Variants in TTLL5 observed in about 807,000 individuals in gnomAD.
The protein encoded by TTLL5 is tubulin tyrosine ligase like 5, also known as tubulin polyglutamylase TTLL5.
Under a neutral mutation model 168.4 loss-of-function variants are expected in TTLL5, and 132 were observed. That is an observed-to-expected ratio of 0.78 (90% CI 0.68 to 0.91). The LOEUF (loss-of-function observed/expected upper bound fraction) is 0.91, where lower values mean the gene tolerates loss of function less well. Among genes scored for constraint, TTLL5 ranks in the 40% least tolerant of loss-of-function variants. The pLI is 0.00. For synonymous variants in TTLL5, 546 were observed against 558.6 expected, an observed-to-expected ratio of 0.98 and a Z score of 0.32; for missense variants, 1,545 against 1,581.5, an observed-to-expected ratio of 0.98 and a Z score of 0.39.
intron 31 of TTLL5, among the ~76,000 whole-genome samples, chr14:75,945,887 A>G (rs1180806862): frequency 6.6e-6 from 1 of 152,220 alleles, no homozygotes; most frequent in Non-Finnish European, 1.5e-5. Context: ...TTCCAGTCTG[A>G]TTGACAGCTA....
chr14:75,788,122 AAAAT>A (rs1041989710), intron 26 of TTLL5, among the ~76,000 whole-genome samples: 25 of 152,236 alleles, frequency 1.6e-4, no homozygotes, highest in Admixed American at 4.6e-4. Flanking sequence ...CCCATCTCTA[AAAAT>A]AAATAAATAA....
intron 15 of TTLL5, among the ~76,000 whole-genome samples, chr14:75,739,186 G>A (rs1006869641): frequency 2.6e-5 from 4 of 152,066 alleles, no homozygotes; most frequent in East Asian, 1.9e-4. Flanking sequence ...TTGAATTACC[G>A]TAGGTTGTAA....
At chr14:75,846,312 G>T (rs939957975) in intron 28 of TTLL5, among the ~76,000 whole-genome samples, 1 of 152,164 alleles carries the variant, frequency 6.6e-6, no homozygotes, top group Non-Finnish European at 1.5e-5. Context: ...GACTCTAGGG[G>T]ATAGAAATTG....
At chr14:75,925,793 A>C (rs2034032144) in intron 31 of TTLL5, among the ~76,000 whole-genome samples, 1 of 152,044 alleles carries the variant, frequency 6.6e-6, no homozygotes, top group Admixed American at 6.5e-5. Flanking sequence ...CTCCGTCTGC[A>C]ATCCCGGCAC....
chr14:75,872,551 A>T (rs1366909910), intron 29 of TTLL5, among the ~76,000 whole-genome samples: 1 of 152,162 alleles, frequency 6.6e-6, no homozygotes, highest in Non-Finnish European at 1.5e-5. Flanking sequence ...GACACAGGTC[A>T]TATGGTTGGG....
chr14:75,730,444 T>A (rs535855609), intron 12 of TTLL5, among the ~76,000 whole-genome samples: 2 of 152,206 alleles, frequency 1.3e-5, no homozygotes, highest in Non-Finnish European at 2.9e-5. Flanking sequence ...TTGAAGGTGA[T>A]CCCATCTCAA....
intron 27 of TTLL5, among the ~76,000 whole-genome samples, chr14:75,813,525 A>G (rs1162928247): frequency 5.3e-5 from 8 of 151,694 alleles, no homozygotes; most frequent in African/African-American, 1.9e-4. Flanking sequence ...CTGGTCTCGA[A>G]CTCCTGGGCT....
At chr14:75,715,069 T>C (rs1887336981) in intron 9 of TTLL5, among the ~76,000 whole-genome samples, 1 of 152,144 alleles carries the variant, frequency 6.6e-6, no homozygotes. Flanking sequence ...CAGCAGGAAA[T>C]CTGGCTCGCA....
chr14:75,847,394 T>C (rs1371307513), intron 28 of TTLL5, among the ~76,000 whole-genome samples: 3 of 152,018 alleles, frequency 2.0e-5, no homozygotes, highest in Non-Finnish European at 4.4e-5. Flanking sequence ...ATGGACTTTC[T>C]CTTGGTTTGT....
intron 31 of TTLL5, among the ~76,000 whole-genome samples, chr14:75,936,875 T>C (rs1354337905): frequency 6.6e-6 from 1 of 152,166 alleles, no homozygotes; most frequent in Non-Finnish European, 1.5e-5. Flanking sequence ...CCTAAGCAGA[T>C]GGGAAGTGTC....
At chr14:75,754,703 T>A (rs1454640057) in intron 18 of TTLL5, among the ~76,000 whole-genome samples, 1 of 152,218 alleles carries the variant, frequency 6.6e-6, no homozygotes, top group Non-Finnish European at 1.5e-5. Context: ...TACCGTAATT[T>A]CAAACAGTGA....
At chr14:75,797,355 A>C (rs1292985514) in intron 27 of TTLL5, among the ~76,000 whole-genome samples, 2 of 151,998 alleles carry the variant, frequency 1.3e-5, no homozygotes, top group African/African-American at 4.8e-5. Context: ...GTATATGATC[A>C]TATTGGCAAA....
chr14:75,853,383 C>G (rs922403208), intron 28 of TTLL5, among the ~76,000 whole-genome samples: 2 of 152,212 alleles, frequency 1.3e-5, no homozygotes, highest in African/African-American at 4.8e-5. Context: ...CTATTCCTGA[C>G]ATTTTTTCAC....
At chr14:75,882,575 C>T (rs2031876279) in intron 29 of TTLL5, 110 bp from the exon 30 acceptor site, 1 of 919,452 alleles carries the variant, frequency 1.1e-6, no homozygotes, top group East Asian at 2.7e-5. Flanking sequence ...AAAAAATTAA[C>T]AGTTGTCCTT....
At chr14:75,728,673 T>TCA (rs1318209936) in intron 12 of TTLL5, among the ~76,000 whole-genome samples, 32 of 81,364 alleles carry the variant, frequency 3.9e-4, no homozygotes, top group Admixed American at 9.3e-4. Context: ...GATTTGAATA[T>TCA]TATCATCATC....
chr14:75,675,036 T>G (rs1184085), intron 3 of TTLL5, among the ~76,000 whole-genome samples: 137,673 of 152,126 alleles, frequency 0.9, 62,413 homozygotes, highest in South Asian at 0.94. Flanking sequence ...TTTTATAGTT[T>G]AAAAAGTAAA....
chr14:75,821,663 T>C (rs192872186), intron 28 of TTLL5, among the ~76,000 whole-genome samples: 10 of 152,302 alleles, frequency 6.6e-5, no homozygotes, highest in African/African-American at 2.4e-4. Flanking sequence ...GAGCTTTCTT[T>C]TGGTAGCGCC....
chr14:75,912,948 C>A (rs978419441), intron 31 of TTLL5, among the ~76,000 whole-genome samples: 1 of 152,072 alleles, frequency 6.6e-6, no homozygotes, highest in African/African-American at 2.4e-5. Context: ...TTGTGGTCTT[C>A]GTAATCCAAG....
At chr14:75,907,305 G>A (rs2033184879) in intron 31 of TTLL5, among the ~76,000 whole-genome samples, 1 of 152,208 alleles carries the variant, frequency 6.6e-6, no homozygotes. Flanking sequence ...TTGATTTTGT[G>A]AAGCTGTTTC....
Sources: gnomAD v4.1 joint callset for allele counts (sites outside exome capture counted in the v4.1 genomes callset) on GRCh38, gnomAD v4.1.1 for gene constraint, MANE v1.5 for transcripts, NCBI Gene and HGNC (gene_info 2026-07-23, HGNC 2026-07-21) for gene names.